Variants in OMA1 observed in about 807,000 individuals in gnomAD.
The protein encoded by OMA1 is OMA1 zinc metallopeptidase, also known as metalloendopeptidase OMA1, mitochondrial.
Under a neutral mutation model 30.9 loss-of-function variants are expected in OMA1, and 38 were observed. The ratio of observed to expected loss-of-function variants is 1.23; its 90% confidence interval spans 0.95 to 1.61. The LOEUF is 1.61. Among genes scored for constraint, OMA1 ranks in the 40% most tolerant of loss-of-function variants. The pLI, the probability that OMA1 is intolerant of heterozygous loss-of-function variation, is 0.00. For missense variants in OMA1, 461 were observed against 349.2 expected, an observed-to-expected ratio of 1.32 and a Z score of -2.55; for synonymous variants, 173 against 121.9, an observed-to-expected ratio of 1.42 and a Z score of -2.76.
Position 58,491,102 on chromosome 1 carries a change from C to T in OMA1, c.1366-9928G>A, listed in dbSNP as rs188582458. Among the ~76,000 whole-genome samples the T allele has an allele frequency of 2.3e-3, 345 of 152,050 alleles. 2 individuals carry two copies. The highest frequency in any genetic ancestry group is 0.01 in the Middle Eastern group (3 of 294). On this transcript the variant is annotated intron_variant, in intron 8 of 8. Coordinates refer to ENST00000371226, the MANE Select transcript of OMA1 (RefSeq NM_145243.5). The stretch of plus-strand genomic sequence containing the variant: ...GATTACAGGCGTGAACCACTGCACC[C>T]GGCCCTTCAACATACTTAAAGAAAA...
chr1:58,503,144 T>G (rs1483276735), intron 8 of OMA1, among the ~76,000 whole-genome samples: 1 of 152,162 alleles, frequency 6.6e-6, no homozygotes, highest in East Asian at 1.9e-4. Flanking sequence ...GAATTTATTA[T>G]CCAATTAAAC....
intron 8 of OMA1, among the ~76,000 whole-genome samples, chr1:58,486,695 C>T (rs191972527): frequency 6.5e-4 from 99 of 152,148 alleles, no homozygotes; most frequent in African/African-American, 2.1e-3. Flanking sequence ...GTGTGTTGGA[C>T]GGACAATGAG....
At chr1:58,487,427 T>C (rs1209495615) in intron 8 of OMA1, among the ~76,000 whole-genome samples, 1 of 152,258 alleles carries the variant, frequency 6.6e-6, no homozygotes, top group Non-Finnish European at 1.5e-5. Flanking sequence ...TAAATTCTTT[T>C]AAAGTTATTG....
intron 7 of OMA1, among the ~76,000 whole-genome samples, chr1:58,519,984 C>T (rs1173597326): frequency 6.6e-6 from 1 of 152,254 alleles, no homozygotes; most frequent in East Asian, 1.9e-4. Context: ...GATACATGGA[C>T]AGTCAGAGGT....
intron 7 of OMA1, among the ~76,000 whole-genome samples, chr1:58,518,747 A>G (rs756048957): frequency 6.6e-6 from 1 of 152,142 alleles, no homozygotes; most frequent in Non-Finnish European, 1.5e-5. Flanking sequence ...GAAATTAAGA[A>G]TTTAATATTG....
At chr1:58,523,582 A>G (rs913410036) in intron 7 of OMA1, among the ~76,000 whole-genome samples, 5 of 152,158 alleles carry the variant, frequency 3.3e-5, no homozygotes, top group African/African-American at 1.2e-4. Context: ...CCAGGTGACC[A>G]GAGGAATTGA....
At chr1:58,533,415 T>C (rs1183729184) in intron 5 of OMA1, among the ~76,000 whole-genome samples, 3 of 152,188 alleles carry the variant, frequency 2.0e-5, no homozygotes, top group African/African-American at 4.8e-5. Context: ...TCATTGGGTA[T>C]TAAAATTATG....
At chr1:58,541,308 A>G (rs1382045186) in intron 1 of OMA1, among the ~76,000 whole-genome samples, 3 of 114,122 alleles carry the variant, frequency 2.6e-5, no homozygotes, top group African/African-American at 7.4e-5. Context: ...AAAAAAAAAA[A>G]AAAAAAAAAA....
At chr1:58,519,577 G>GA (rs965702899) in intron 7 of OMA1, among the ~76,000 whole-genome samples, 13 of 150,518 alleles carry the variant, frequency 8.6e-5, no homozygotes, top group Non-Finnish European at 1.3e-4. Flanking sequence ...ACCTCTGATG[G>GA]AAAAAAAAAA....
Position 58,538,930 on chromosome 1 carries a change from A to C in OMA1, c.365T>G (p.Leu122Trp), listed in dbSNP as rs112971497. The C allele has an allele frequency of 5.1e-4, 442 of 872,930 alleles. 1 individual carries two copies. The African/African-American group carries it at 5.7e-3, about 11-fold the overall frequency. 54.1% of individuals were successfully genotyped at this position (872,930 alleles called of 1,614,324 possible). Residue 122 changes from leucine to tryptophan, a missense_variant, in exon 2 of 9, where the codon TTG (leucine) becomes TGG (tryptophan). Leu to Trp is a moderately conservative substitution (Grantham distance 61). Coordinates refer to ENST00000371226, the MANE Select transcript of OMA1 (RefSeq NM_145243.5). ...TATGGAAGCAGGGCTTAGAGGATGC[A>C]ATACTGACAGACTAGGGACTGCTGT... The part of the protein sequence containing the change: ...EVTAVPSLSV[L>W]HPLSPASIRA...
At chr1:58,501,933 C>CG (rs1645913576) in intron 8 of OMA1, among the ~76,000 whole-genome samples, 1 of 152,024 alleles carries the variant, frequency 6.6e-6, no homozygotes, top group Non-Finnish European at 1.5e-5. Context: ...CACTGCCCCC[C>CG]ACTCCCGCCC....
At chr1:58,514,738 A>G (rs1341797859) in intron 7 of OMA1, among the ~76,000 whole-genome samples, 7 of 152,188 alleles carry the variant, frequency 4.6e-5, no homozygotes, top group Non-Finnish European at 8.8e-5. Context: ...ATGTAAAGGG[A>G]CCAAAACAGA....
chr1:58,527,006 T>C (rs1217382506), intron 7 of OMA1, among the ~76,000 whole-genome samples: 1 of 152,174 alleles, frequency 6.6e-6, no homozygotes, highest in Non-Finnish European at 1.5e-5. Flanking sequence ...TAATAGAACC[T>C]GATAATTACT....
chr1:58,493,267 C>A (rs1645732928), intron 8 of OMA1, among the ~76,000 whole-genome samples: 1 of 152,130 alleles, frequency 6.6e-6, no homozygotes, highest in African/African-American at 2.4e-5. Flanking sequence ...GGACGTATCT[C>A]AAAATAGTAA....
At chr1:58,514,160 T>A (rs1293345254) in intron 7 of OMA1, among the ~76,000 whole-genome samples, 1 of 152,154 alleles carries the variant, frequency 6.6e-6, no homozygotes, top group Non-Finnish European at 1.5e-5. Context: ...AGTGATGATG[T>A]CATGAATTTA....
chr1:58,520,653 A>AG (rs1457461524), intron 7 of OMA1, among the ~76,000 whole-genome samples: 2 of 152,192 alleles, frequency 1.3e-5, no homozygotes, highest in African/African-American at 4.8e-5. Context: ...ACTAACTGAA[A>AG]GAAAGCTGAA....
chr1:58,544,169 A>G (rs1646665521), intron 1 of OMA1, among the ~76,000 whole-genome samples: 1 of 152,250 alleles, frequency 6.6e-6, no homozygotes, highest in African/African-American at 2.4e-5. Context: ...GGTGAAATTT[A>G]TCAATTTTTA....
At chr1:58,544,759 A>C (rs1251249965) in intron 1 of OMA1, among the ~76,000 whole-genome samples, 1 of 152,056 alleles carries the variant, frequency 6.6e-6, no homozygotes, top group Non-Finnish European at 1.5e-5. Flanking sequence ...ACATCTGGCT[A>C]ATTTTTGTAT....
intron 7 of OMA1, among the ~76,000 whole-genome samples, chr1:58,515,466 A>T (rs190313871): frequency 6.6e-6 from 1 of 152,184 alleles, no homozygotes; most frequent in Non-Finnish European, 1.5e-5. Flanking sequence ...CCTCTATCTT[A>T]GGTAAAGTTT....
Sources: gnomAD v4.1 joint callset for allele counts (sites outside exome capture counted in the v4.1 genomes callset) on GRCh38, gnomAD v4.1.1 for gene constraint, MANE v1.5 for transcripts, NCBI Gene and HGNC (gene_info 2026-07-23, HGNC 2026-07-21) for gene names.